The following CCDC83 variants were observed in gnomAD, a reference collection of about 807,000 sequenced individuals.
CCDC83 encodes the protein coiled-coil domain containing 83, also known as coiled-coil domain-containing protein 83.
A neutral mutation model predicts 50.1 loss-of-function variants in CCDC83; 54 were observed. The ratio of observed to expected loss-of-function variants is 1.08; its 90% CI spans 0.87 to 1.35. CCDC83 has a LOEUF of 1.35. CCDC83 is among the 40% of genes most tolerant of loss of function. The pLI is 0.00. For synonymous variants in CCDC83, 161 were observed against 153.3 expected (o/e 1.05, Z -0.37); for missense variants, 518 against 473.9 (o/e 1.09, Z -0.86).
At chr11:85,870,724 A>C (rs539480235) in intron 2 of CCDC83, among the ~76,000 whole-genome samples, 1 of 152,220 alleles carries the variant, frequency 6.6e-6, no homozygotes, top group African/African-American at 2.4e-5. Context: ...AGTCCCCTCC[A>C]TTTATGGTCC....
At chr11:85,901,170 C>T (rs2093399884) in intron 7 of CCDC83, among the ~76,000 whole-genome samples, 1 of 151,966 alleles carries the variant, frequency 6.6e-6, no homozygotes, top group South Asian at 2.1e-4. Context: ...AGTTTGAGAC[C>T]AGCCTAGGCA....
intron 3 of CCDC83, among the ~76,000 whole-genome samples, chr11:85,874,932 A>AC (rs2135009386): frequency 1.3e-5 from 2 of 152,118 alleles, no homozygotes; most frequent in East Asian, 3.9e-4. Flanking sequence ...CTGATGGAGG[A>AC]TTTTTTGCTC....
rs545021337 is a variant in CCDC83, at chr11:85,915,693, A to G, written c.874+195A>G. ...CTCCTGTCTGTAGTCCCACTTTCAAATTAAGGTCACCATGTTTCACAGTAA... is the reference window on the plus strand; with the variant it reads ...CTCCTGTCTGTAGTCCCACTTTCAAGTTAAGGTCACCATGTTTCACAGTAA... On this transcript the variant is annotated intron_variant, in intron 9 of 10. Coordinates refer to ENST00000342404, the MANE Select transcript of CCDC83 (RefSeq NM_001286159.2). Among the ~76,000 whole-genome samples, 4 of 152,284 alleles carry G rather than the reference A, an allele frequency of 2.6e-5. No homozygotes were observed. In the South Asian group the frequency reaches 6.2e-4, roughly 24 times the overall value.
At chr11:85,885,721 A>C (rs2093323691) in intron 4 of CCDC83, among the ~76,000 whole-genome samples, 1 of 152,234 alleles carries the variant, frequency 6.6e-6, no homozygotes, top group Non-Finnish European at 1.5e-5. Context: ...CAAATAAATG[A>C]ACTTTAGATG....
chr11:85,905,702 G>A (rs1423447659), intron 7 of CCDC83, among the ~76,000 whole-genome samples: 2 of 151,986 alleles, frequency 1.3e-5, no homozygotes, highest in African/African-American at 2.4e-5. Flanking sequence ...AGGCGCAGTG[G>A]CTCATGCCTG....
intron 7 of CCDC83, among the ~76,000 whole-genome samples, chr11:85,908,387 C>A (rs2093434587): frequency 6.6e-6 from 1 of 151,932 alleles, no homozygotes; most frequent in African/African-American, 2.4e-5. Flanking sequence ...CCCGTCTCTA[C>A]TAAAGATGCA....
upstream of CCDC83, chr11:85,855,304 C>CCTCCACGGGCTCCACT (rs908257748): frequency 1.3e-5 from 2 of 152,782 alleles, no homozygotes; most frequent in African/African-American, 2.4e-5. Flanking sequence ...CCCCGACCAC[C>CCTCCACGGGCTCCACT]CTCCACGGGC....
intron 6 of CCDC83, among the ~76,000 whole-genome samples, chr11:85,897,439 T>C (rs2093380695): frequency 6.6e-6 from 1 of 152,256 alleles, no homozygotes; most frequent in Admixed American, 6.5e-5. Flanking sequence ...TAGCTGGCTA[T>C]TTTATCATAC....
chr11:85,900,583 TC>T (rs2093396750), intron 7 of CCDC83, among the ~76,000 whole-genome samples: 1 of 152,048 alleles, frequency 6.6e-6, no homozygotes, highest in South Asian at 2.1e-4. Flanking sequence ...TCCATGCCAC[TC>T]CCCAGACTTT....
chr11:85,875,251 G>A (rs1566074035), intron 3 of CCDC83, among the ~76,000 whole-genome samples: 1 of 152,224 alleles, frequency 6.6e-6, no homozygotes, highest in Non-Finnish European at 1.5e-5. Flanking sequence ...AATAGGTGAA[G>A]GATGAGGACC....
intron 1 of CCDC83, among the ~76,000 whole-genome samples, chr11:85,864,232 TTAAA>T (rs1260205485): frequency 1.3e-5 from 2 of 152,232 alleles, no homozygotes; most frequent in African/African-American, 2.4e-5. Context: ...TTCCAGCCAC[TTAAA>T]TAATTACAAA....
At chr11:85,905,618 T>TA (rs1212939338) in intron 7 of CCDC83, among the ~76,000 whole-genome samples, 1,542 of 98,622 alleles carry the variant, frequency 0.016, 23 homozygotes, top group African/African-American at 0.053. Flanking sequence ...CTCAAAAAAA[T>TA]AAAAAAAAAA....
intron 2 of CCDC83, among the ~76,000 whole-genome samples, chr11:85,869,227 A>T (rs867480909): frequency 1.3e-5 from 2 of 152,234 alleles, no homozygotes; most frequent in Non-Finnish European, 2.9e-5. Flanking sequence ...AGGTAATTTC[A>T]TGGATATAGG....
chr11:85,889,362 A>AT, intron 5 of CCDC83, among the ~76,000 whole-genome samples: 1 of 152,214 alleles, frequency 6.6e-6, no homozygotes, highest in Non-Finnish European at 1.5e-5. Context: ...AAATTAATGA[A>AT]TTATTAACTA....
chr11:85,882,265 CA>C (rs1215394256), intron 3 of CCDC83, among the ~76,000 whole-genome samples: 2 of 152,052 alleles, frequency 1.3e-5, no homozygotes, highest in Admixed American at 6.6e-5. Flanking sequence ...GAAACCTGGA[CA>C]TTTTTTTAAT....
At chr11:85,872,653 C>T (rs1049840151) in intron 2 of CCDC83, among the ~76,000 whole-genome samples, 3 of 152,182 alleles carry the variant, frequency 2.0e-5, no homozygotes, top group Non-Finnish European at 4.4e-5. Flanking sequence ...AGTCTTTCTG[C>T]ACTTTTCTAT....
intron 7 of CCDC83, among the ~76,000 whole-genome samples, chr11:85,899,954 C>T (rs916944517): frequency 6.6e-6 from 1 of 152,068 alleles, no homozygotes; most frequent in African/African-American, 2.4e-5. Flanking sequence ...AACTCATCCA[C>T]AAAGAGAACA....
chr11:85,899,968 G>C (rs1265658606), intron 7 of CCDC83, among the ~76,000 whole-genome samples: 1 of 152,126 alleles, frequency 6.6e-6, no homozygotes, highest in Non-Finnish European at 1.5e-5. Context: ...GAGAACAAGA[G>C]GAGTTAACTA....
intron 10 of CCDC83, among the ~76,000 whole-genome samples, chr11:85,917,146 G>GAAAGAAAGAA (rs2093481301): frequency 1.2e-5 from 1 of 81,886 alleles, no homozygotes; most frequent in Non-Finnish European, 2.6e-5. Context: ...GAGAGAGAGA[G>GAAAGAAAGAA]AGAGAGAGAG....
Sources: allele counts gnomAD v4.1 joint callset (sites outside exome capture counted in the v4.1 genomes callset), GRCh38; gene constraint gnomAD v4.1.1; transcripts MANE v1.5; gene names NCBI Gene and HGNC (gene_info 2026-07-23, HGNC 2026-07-21).